Variants in LGI1 observed in about 807,000 individuals in gnomAD.
The protein encoded by LGI1 is leucine-rich glioma-inactivated protein 1.
Under a neutral mutation model 57.7 loss-of-function variants are expected in LGI1, and 11 were observed. The ratio of observed to expected loss-of-function variants is 0.19; its 90% confidence interval spans 0.12 to 0.32. LGI1 has a LOEUF of 0.32. Among genes scored for constraint, LGI1 ranks in the 10% least tolerant of loss-of-function variants. The probability of loss-of-function intolerance (pLI) is 1.00; values close to 1 mark genes in which losing one functional copy is unlikely to be tolerated. For synonymous variants in LGI1, 222 were observed against 241.9 expected (o/e 0.92, Z 0.76); for missense variants, 422 against 661.9 (o/e 0.64, Z 3.98).
intron 2 of LGI1, chr10:93,765,698 C>G (rs7091378): frequency 0.024 from 3,603 of 152,084 alleles, 148 homozygotes; most frequent in African/African-American, 0.083. Flanking sequence ...TGGCTTGGCG[C>G]GGTGGCTCAC....
chr10:93,791,498 C>T (rs545674092), intron 5 of LGI1: 1 of 152,326 alleles, frequency 6.6e-6, no homozygotes, highest in East Asian at 1.9e-4. Flanking sequence ...TTTGGACCTA[C>T]TCTAATATGC....
Position 93,792,881 on chromosome 10 carries a change from C to T in LGI1, c.642C>T (p.Leu214=), listed in dbSNP as rs375446697. 1 of 1,614,098 alleles carries T rather than the reference C, an allele frequency of 6.2e-7. No homozygotes were observed. ...ACAAGAAGCGCAAAATCAATAGTCTCTCCTCGAAGGATTTTGATTGCATCA... is the reference window on the plus strand; with the variant it reads ...ACAAGAAGCGCAAAATCAATAGTCTTTCCTCGAAGGATTTTGATTGCATCA... ...PEYKKRKINS[L]SSKDFDCIIT... The change falls in exon 6 of 8, where the codon CTC becomes CTT. Residue 214 remains leucine (L), a synonymous_variant. Transcript: ENST00000371418.
At chr10:93,775,253 A>G (rs562869496) in intron 2 of LGI1, among the ~76,000 whole-genome samples, 106 of 152,194 alleles carry the variant, frequency 7.0e-4, no homozygotes, top group Non-Finnish European at 1.2e-3. Flanking sequence ...CTCCAAGGGT[A>G]ACCACTCTCC....
At chr10:93,778,165 G>C (rs1260523402) in intron 4 of LGI1, among the ~76,000 whole-genome samples, 1 of 152,130 alleles carries the variant, frequency 6.6e-6, no homozygotes. Flanking sequence ...TCACAACTGG[G>C]GATGTAAATG....
intron 2 of LGI1, chr10:93,768,051 T>G (rs2059697312): frequency 6.6e-6 from 1 of 152,174 alleles, no homozygotes; most frequent in Non-Finnish European, 1.5e-5. Context: ...AGAGTCTCAA[T>G]TTACTTAAGG....
intron 7 of LGI1, 48 bp downstream of exon 7, chr10:93,793,398 G>C (rs373248621): frequency 1.3e-6 from 2 of 1,502,386 alleles, no homozygotes; most frequent in African/African-American, 2.8e-5. Context: ...AACTGCTTCA[G>C]CCAAGGGCAA....
chr10:93,777,664 T>C (rs1165199275), intron 4 of LGI1, 47 bp downstream of exon 4: 2 of 1,466,422 alleles, frequency 1.4e-6, no homozygotes, highest in Admixed American at 1.7e-5. Flanking sequence ...TAATGGACAA[T>C]GCAGTTTGAT....
intron 4 of LGI1, chr10:93,782,955 C>G (rs899064302): frequency 1.3e-5 from 2 of 152,212 alleles, no homozygotes; most frequent in African/African-American, 4.8e-5. Flanking sequence ...GATGAAAACA[C>G]CAAAGGGCAG....
At chr10:93,760,289 C>T (rs567454700) in intron 2 of LGI1, among the ~76,000 whole-genome samples, 55 of 152,278 alleles carry the variant, frequency 3.6e-4, no homozygotes, top group Non-Finnish European at 5.7e-4. Context: ...TTAGTTAGCA[C>T]ATCAAACAAA....
At chr10:93,759,587 T>A (rs2059602843) in intron 2 of LGI1, among the ~76,000 whole-genome samples, 1 of 152,146 alleles carries the variant, frequency 6.6e-6, no homozygotes, top group South Asian at 2.1e-4. Flanking sequence ...CTTACAGCGG[T>A]ATCACATGGG....
intron 2 of LGI1, among the ~76,000 whole-genome samples, chr10:93,765,857 C>T (rs1256116775): frequency 6.6e-6 from 1 of 151,454 alleles, no homozygotes; most frequent in African/African-American, 2.4e-5. Context: ...GTAGTCCCAG[C>T]TACTCGGGAG....
At chr10:93,766,328 C>T (rs969528759) in intron 2 of LGI1, among the ~76,000 whole-genome samples, 5 of 152,084 alleles carry the variant, frequency 3.3e-5, no homozygotes, top group Non-Finnish European at 7.4e-5. Flanking sequence ...ATACAAATAA[C>T]TCTTGACTTC....
At chr10:93,777,215 T>TA (rs1184142731) in intron 2 of LGI1, 164 bp from the exon 3 acceptor site, 4 of 692,380 alleles carry the variant, frequency 5.8e-6, no homozygotes, top group South Asian at 1.7e-5. Context: ...TGATTAGGAG[T>TA]AAAAAAATGC....
intron 2 of LGI1, chr10:93,764,170 T>C (rs2059650574): frequency 6.6e-6 from 1 of 152,184 alleles, no homozygotes; most frequent in Non-Finnish European, 1.5e-5. Flanking sequence ...CACCCTGATA[T>C]GGCAGCTCCA....
chr10:93,763,678 C>T (rs778032572), intron 2 of LGI1: 2 of 152,108 alleles, frequency 1.3e-5, no homozygotes, highest in Admixed American at 1.3e-4. Context: ...TAAAAAAACT[C>T]GAGGAGATAT....
At chr10:93,760,696 T>C (rs1446671925) in intron 2 of LGI1, among the ~76,000 whole-genome samples, 2 of 152,222 alleles carry the variant, frequency 1.3e-5, no homozygotes, top group Non-Finnish European at 2.9e-5. Context: ...TACCGGCTGC[T>C]GCAGGGTAAT....
At chr10:93,781,010 C>T (rs1020807338) in intron 4 of LGI1, among the ~76,000 whole-genome samples, 2 of 152,160 alleles carry the variant, frequency 1.3e-5, no homozygotes, top group African/African-American at 2.4e-5. Context: ...TTCTCACCTT[C>T]TTATACAGAG....
At chr10:93,762,187 C>G (rs566533192) in intron 2 of LGI1, among the ~76,000 whole-genome samples, 1 of 152,148 alleles carries the variant, frequency 6.6e-6, no homozygotes, top group Non-Finnish European at 1.5e-5. Context: ...AAACACTGCA[C>G]GTAAGAATCC....
chr10:93,758,709 T>A lies in LGI1; in HGVS notation c.216-51T>A. The A allele has an allele frequency of 7.8e-7, 1 of 1,281,054 alleles. No individual in the cohort carries two copies. Among genetic ancestry groups the A allele is most frequent in the Non-Finnish European group, 1.1e-6 (1 of 881,626 alleles). The allele number at this position is 1,281,054 out of a possible 1,614,324, so 79.4% of individuals were successfully genotyped here. On this transcript the variant is annotated intron_variant, in intron 1 of 7. Transcript: ENST00000371418. This position sits in a 1 kb window ranked among gnomAD's most constrained non-coding sequence, Gnocchi z 4.7. ...ATAAGGTTTGTTCTGTGTGTGTGTG[T>A]CTCTTTGTGTGTGTCTGTTTGTTTG...
Sources: allele counts gnomAD v4.1 joint callset (sites outside exome capture counted in the v4.1 genomes callset), GRCh38; gene constraint gnomAD v4.1.1; non-coding constraint Gnocchi (gnomAD v3.1); transcripts MANE v1.5; gene names NCBI Gene and HGNC (gene_info 2026-07-23, HGNC 2026-07-21).